The following PDZRN3 variants were observed in gnomAD, a reference collection of about 807,000 sequenced individuals.
PDZRN3 encodes the protein E3 ubiquitin-protein ligase PDZRN3.
PDZRN3 carries 38 observed loss-of-function variants against 85.7 expected under a neutral mutation model. The observed-to-expected ratio is 0.44, with a 90% CI of 0.34 to 0.58. The LOEUF is 0.58. Among genes scored for constraint, PDZRN3 ranks in the 20% least tolerant of loss-of-function variants. The pLI is 0.01. For synonymous variants in PDZRN3, 759 were observed against 638.0 expected, an observed-to-expected ratio of 1.19 and a Z score of -2.86; for missense variants, 1,629 against 1,506.4, an observed-to-expected ratio of 1.08 and a Z score of -1.35.
chr3:73,412,386 A>G (rs1055404110), intron 3 of PDZRN3, among the ~76,000 whole-genome samples: 2 of 152,242 alleles, frequency 1.3e-5, no homozygotes, highest in African/African-American at 4.8e-5. Flanking sequence ...GCCTCTAGTC[A>G]TCAGAGGAAA....
intron 3 of PDZRN3, among the ~76,000 whole-genome samples, chr3:73,453,342 G>A (rs1427179066): frequency 6.8e-6 from 1 of 147,776 alleles, no homozygotes; most frequent in Non-Finnish European, 1.5e-5. Context: ...GGAGGCGGAG[G>A]TTGCAGTGAG....
chr3:73,510,035 G>C (rs1251016668), intron 3 of PDZRN3, among the ~76,000 whole-genome samples: 1 of 152,210 alleles, frequency 6.6e-6, no homozygotes. Flanking sequence ...GTACACTGGA[G>C]GTTGGGGGTG....
rs376039102 is a variant in PDZRN3 at position 73,598,463 on chromosome 3, A to G, written c.918+3891T>C. ...AAAGGACCAGGACAGCTCACAGGTAAGAGGAGTGCAGGGAAGACACAAAAA... is the reference window on the plus strand; with the variant it reads ...AAAGGACCAGGACAGCTCACAGGTAGGAGGAGTGCAGGGAAGACACAAAAA... On this transcript the variant is annotated intron_variant, in intron 3 of 9. Coordinates refer to ENST00000263666, the MANE Select transcript of PDZRN3 (RefSeq NM_015009.3). 2.5e-4 allele frequency among the ~76,000 whole-genome samples: 38 copies of G among 152,338 alleles called. No individual in the cohort carries two copies. In the South Asian group the frequency reaches 7.7e-3, roughly 31 times the overall value.
chr3:73,605,707 C>T (rs376612040), intron 2 of PDZRN3, among the ~76,000 whole-genome samples: 4 of 152,180 alleles, frequency 2.6e-5, no homozygotes, highest in African/African-American at 9.7e-5. Flanking sequence ...AATGACCTGC[C>T]AGATTTTCCA....
At position 73,624,878 on chromosome 3, in the gene PDZRN3, C is replaced by A. The variant is rs993790805; in HGVS notation, c.-53G>T. 82 of 1,255,316 alleles carry A rather than the reference C, an allele frequency of 6.5e-5. No individual in the cohort carries two copies. The highest frequency in any genetic ancestry group is 6.0e-4 in the Middle Eastern group (2 of 3,314). 77.8% of individuals were successfully genotyped at this position (1,255,316 alleles called of 1,614,324 possible). On this transcript the variant is annotated 5_prime_UTR_variant, in exon 1 of 10. Transcript: ENST00000263666. ...CCGGGCGGCCGGGCGCCCCCTCCCT[C>A]CCCACGAGGCGGCCCAGACAGGCCG...
chr3:73,569,670 C>A lies in PDZRN3; in HGVS notation c.918+32684G>T, dbSNP rs374835644. Reference sequence around the variant, plus strand: ...CCTGAGGTTACCTTTCTCTTCCTCCCTAGTGCTTAGCACAGTGCCTTGGTT... The same window carrying A: ...CCTGAGGTTACCTTTCTCTTCCTCCATAGTGCTTAGCACAGTGCCTTGGTT... On this transcript the variant is annotated intron_variant, in intron 3 of 9. Coordinates refer to ENST00000263666, the MANE Select transcript of PDZRN3 (RefSeq NM_015009.3). Among the ~76,000 whole-genome samples the A allele has an allele frequency of 2.6e-5, 4 of 152,314 alleles. No individual in the cohort carries two copies. The East Asian group carries it at 7.7e-4, about 29-fold the overall frequency.
intron 3 of PDZRN3, among the ~76,000 whole-genome samples, chr3:73,552,095 A>G (rs1182273988): frequency 6.6e-6 from 1 of 152,122 alleles, no homozygotes; most frequent in East Asian, 1.9e-4. Flanking sequence ...AAACACTCCA[A>G]TCACCTGGGG....
chr3:73,421,453 CCTCAG>C (rs1702201246), intron 3 of PDZRN3, among the ~76,000 whole-genome samples: 1 of 152,130 alleles, frequency 6.6e-6, no homozygotes, highest in African/African-American at 2.4e-5. Flanking sequence ...TTAACCTGTC[CCTCAG>C]CACAGCATAT....
intron 3 of PDZRN3, among the ~76,000 whole-genome samples, chr3:73,479,024 T>C (rs183646928): frequency 3.3e-4 from 50 of 152,354 alleles, no homozygotes; most frequent in African/African-American, 1.2e-3. Context: ...AATTCAGCAC[T>C]GAATGAACAT....
At chr3:73,479,054 A>T (rs1355285292) in intron 3 of PDZRN3, among the ~76,000 whole-genome samples, 4 of 152,222 alleles carry the variant, frequency 2.6e-5, no homozygotes, top group Non-Finnish European at 4.4e-5. Context: ...ATCAAGACTG[A>T]CTTCCATGAG....
chr3:73,416,102 G>A (rs11715742), intron 3 of PDZRN3, among the ~76,000 whole-genome samples: 1 of 151,800 alleles, frequency 6.6e-6, no homozygotes, highest in African/African-American at 2.4e-5. Flanking sequence ...TTGTACCTTA[G>A]AGACATGATC....
chr3:73,556,325 T>C (rs1701695082), intron 3 of PDZRN3, among the ~76,000 whole-genome samples: 1 of 151,928 alleles, frequency 6.6e-6, no homozygotes, highest in Non-Finnish European at 1.5e-5. Flanking sequence ...TATTTTATAA[T>C]TATATTGAAA....
At chr3:73,552,110 T>A (rs916455065) in intron 3 of PDZRN3, among the ~76,000 whole-genome samples, 1 of 152,154 alleles carries the variant, frequency 6.6e-6, no homozygotes, top group Non-Finnish European at 1.5e-5. Context: ...CTGGGGCACA[T>A]TCCTTTTCTC....
intron 3 of PDZRN3, among the ~76,000 whole-genome samples, chr3:73,540,056 G>T (rs1234774119): frequency 9.0e-6 from 1 of 111,280 alleles, no homozygotes; most frequent in Non-Finnish European, 1.7e-5. Flanking sequence ...TTAGATAAAA[G>T]TGAGGACAGA....
At chr3:73,409,098 A>G (rs534954111) in intron 3 of PDZRN3, among the ~76,000 whole-genome samples, 2 of 152,110 alleles carry the variant, frequency 1.3e-5, no homozygotes, top group East Asian at 3.9e-4. Flanking sequence ...AAATGCTTAA[A>G]TTATTCACCT....
At chr3:73,390,686 G>C (rs1174584139) in intron 6 of PDZRN3, among the ~76,000 whole-genome samples, 4 of 150,372 alleles carry the variant, frequency 2.7e-5, no homozygotes, top group African/African-American at 4.9e-5. Flanking sequence ...TTTAAAAAGT[G>C]TAAGTGATTC....
chr3:73,608,113 C>G (rs1409907632), intron 2 of PDZRN3, among the ~76,000 whole-genome samples: 1 of 152,112 alleles, frequency 6.6e-6, no homozygotes, highest in Admixed American at 6.6e-5. Context: ...ATGTGGTGGT[C>G]AAAGAGCTGC....
chr3:73,574,385 T>C (rs1467420803), intron 3 of PDZRN3, among the ~76,000 whole-genome samples: 1 of 136,632 alleles, frequency 7.3e-6, no homozygotes, highest in Non-Finnish European at 1.5e-5. Flanking sequence ...GCCACTCCCC[T>C]CACAACACTT....
chr3:73,471,635 T>C (rs1236583862), intron 3 of PDZRN3, among the ~76,000 whole-genome samples: 2 of 152,140 alleles, frequency 1.3e-5, no homozygotes, highest in Non-Finnish European at 2.9e-5. Context: ...CAGTCAGCCT[T>C]CCCTACTGGT....
Sources: gnomAD v4.1 joint callset for allele counts (sites outside exome capture counted in the v4.1 genomes callset) on GRCh38, gnomAD v4.1.1 for gene constraint, MANE v1.5 for transcripts, NCBI Gene and HGNC (gene_info 2026-07-23, HGNC 2026-07-21) for gene names.